The following SPIRE1 variants were observed in gnomAD, a reference collection of about 807,000 sequenced individuals.
SPIRE1 encodes the protein spire type actin nucleation factor 1.
A neutral mutation model predicts 94.1 loss-of-function variants in SPIRE1; 40 were observed. The ratio of observed to expected loss-of-function variants is 0.43; its 90% CI spans 0.33 to 0.55. SPIRE1 has a LOEUF of 0.55. Among genes scored for constraint, SPIRE1 ranks in the 20% least tolerant of loss-of-function variants. The pLI, the probability that SPIRE1 is intolerant of heterozygous loss-of-function variation, is 0.06. For synonymous variants in SPIRE1, 376 were observed against 371.7 expected (o/e 1.01, Z -0.13); for missense variants, 838 against 975.2 (o/e 0.86, Z 1.87).
intron 4 of SPIRE1, chr18:12,516,094 C>CTA: frequency 6.6e-6 from 1 of 152,282 alleles, no homozygotes; most frequent in South Asian, 2.1e-4. Flanking sequence ...GTAAAATCCA[C>CTA]TATGTCAAAG....
intron 10 of SPIRE1, among the ~76,000 whole-genome samples, chr18:12,478,484 TA>T (rs1161832253): frequency 1.4e-5 from 2 of 142,192 alleles, no homozygotes; most frequent in Non-Finnish European, 3.0e-5. Flanking sequence ...CATGTGTAGC[TA>T]GGGGAGGTGT....
At position 12,559,006 on chromosome 18, in the gene SPIRE1, C is replaced by G. The variant is rs1249544210; in HGVS notation, c.373-12102G>C. ...CCAAGACCCTACCCAACTCAGGAGC[C>G]CAGCTGGCTTCCCCTAGTGGATCCT... On this transcript the variant is annotated intron_variant, in intron 2 of 16. Transcript: ENST00000409402. The surrounding 1 kb of genome is among the most constrained non-coding windows in gnomAD (Gnocchi z 4.7). Among the ~76,000 whole-genome samples the G allele has an allele frequency of 6.6e-6, 1 of 152,212 alleles. No homozygotes were observed. The highest frequency in any genetic ancestry group is 2.1e-4 in the South Asian group (1 of 4,830).
At chr18:12,481,354 C>T (rs542591974) in intron 9 of SPIRE1, among the ~76,000 whole-genome samples, 3 of 145,858 alleles carry the variant, frequency 2.1e-5, no homozygotes, top group Admixed American at 7.1e-5. Context: ...ACCTTAAGTA[C>T]GAGAGGTAGA....
At chr18:12,626,042 G>GCCCC (rs35890423) in intron 2 of SPIRE1, among the ~76,000 whole-genome samples, 118 of 122,230 alleles carry the variant, frequency 9.7e-4, no homozygotes, top group Non-Finnish European at 1.5e-3. Flanking sequence ...ACACCGCCCC[G>GCCCC]CCCCCCCCCA....
At chr18:12,639,598 G>A (rs1276062400) in intron 1 of SPIRE1, among the ~76,000 whole-genome samples, 2 of 152,058 alleles carry the variant, frequency 1.3e-5, no homozygotes, top group African/African-American at 4.8e-5. Flanking sequence ...TGTGCATGGT[G>A]GCAGATGCCT....
At chr18:12,649,783 T>C (rs916798091) in intron 1 of SPIRE1, among the ~76,000 whole-genome samples, 2 of 152,224 alleles carry the variant, frequency 1.3e-5, no homozygotes, top group South Asian at 2.1e-4. Flanking sequence ...AGGACTAATA[T>C]CTGTAGATGA....
At chr18:12,463,622 T>TCTCC (rs2031966790) in intron 11 of SPIRE1, 129 bp from the exon 12 acceptor site, 1 of 755,932 alleles carries the variant, frequency 1.3e-6, no homozygotes, top group Non-Finnish European at 2.1e-6. Flanking sequence ...TTTAAGATGG[T>TCTCC]AATGGTAATC....
intron 1 of SPIRE1, among the ~76,000 whole-genome samples, chr18:12,637,782 G>A (rs2037974516): frequency 6.6e-6 from 1 of 152,220 alleles, no homozygotes; most frequent in South Asian, 2.1e-4. Flanking sequence ...TACAAGGTAA[G>A]TCAGGAACAT....
chr18:12,641,783 C>A (rs2038093028), intron 1 of SPIRE1, among the ~76,000 whole-genome samples: 1 of 150,080 alleles, frequency 6.7e-6, no homozygotes, highest in Admixed American at 6.6e-5. Context: ...TTTCCCCCAA[C>A]AAAATCATCT....
intron 1 of SPIRE1, among the ~76,000 whole-genome samples, chr18:12,638,692 A>G (rs370549740): frequency 5.9e-5 from 9 of 152,240 alleles, no homozygotes; most frequent in African/African-American, 2.2e-4. Context: ...CCTGGTGGGA[A>G]GTGATTAGAT....
At chr18:12,524,888 A>AG (rs2034459022) in intron 4 of SPIRE1, among the ~76,000 whole-genome samples, 1 of 152,042 alleles carries the variant, frequency 6.6e-6, no homozygotes, top group South Asian at 2.1e-4. Flanking sequence ...CTAAGGCAGG[A>AG]GGAACACTTG....
chr18:12,567,042 C>A (rs1034666704), intron 2 of SPIRE1, among the ~76,000 whole-genome samples: 1 of 152,040 alleles, frequency 6.6e-6, no homozygotes, highest in Non-Finnish European at 1.5e-5. Context: ...AAACTTAGTT[C>A]GCAGATGACA....
intron 6 of SPIRE1, among the ~76,000 whole-genome samples, chr18:12,503,927 T>C (rs1470561050): frequency 1.4e-5 from 2 of 147,310 alleles, no homozygotes; most frequent in South Asian, 4.2e-4. Context: ...AAAACTATTC[T>C]GTTATAAATA....
intron 3 of SPIRE1, among the ~76,000 whole-genome samples, chr18:12,536,847 G>C (rs2034858216): frequency 6.6e-6 from 1 of 152,144 alleles, no homozygotes; most frequent in African/African-American, 2.4e-5. Flanking sequence ...ACATTTTAAA[G>C]TACTTCATTT....
At chr18:12,634,031 G>A (rs768860291) in intron 2 of SPIRE1, among the ~76,000 whole-genome samples, 29 of 152,000 alleles carry the variant, frequency 1.9e-4, no homozygotes, top group Middle Eastern at 3.4e-3. Flanking sequence ...GGCGGATCAC[G>A]AGGTCAGGAG....
intron 2 of SPIRE1, among the ~76,000 whole-genome samples, chr18:12,554,512 C>A (rs1253863124): frequency 6.6e-6 from 1 of 152,040 alleles, no homozygotes; most frequent in African/African-American, 2.4e-5. Flanking sequence ...AGCTTCCCAG[C>A]AAAGAAAATC....
In SPIRE1 at chr18:12,446,717, C is replaced by G. The variant is rs193178507; in HGVS notation, c.*2921G>C. On this transcript the variant is annotated 3_prime_UTR_variant, in exon 17 of 17. Transcript: ENST00000409402. ...ATATACAAAATTTTCTGCTATTTTG[C>G]TTTAGCAAACAGCAATAAACTTTTG... 8.0e-4 allele frequency: 80 copies of G among 100,054 alleles called. 1 individual carries two copies. The highest frequency in any genetic ancestry group is 7.2e-3 in the Admixed American group (72 of 9,992). The allele number at this position is 100,054 out of a possible 1,614,324, so 6.2% of individuals were successfully genotyped here. A position where few individuals can be genotyped will look rare whatever the true frequency, so the allele number is the denominator to read the frequency against.
chr18:12,633,192 CCT>C (rs2037829694), intron 2 of SPIRE1, among the ~76,000 whole-genome samples: 1 of 152,098 alleles, frequency 6.6e-6, no homozygotes, highest in East Asian at 1.9e-4. Flanking sequence ...AAATCCCACC[CCT>C]TTGTGTCATG....
intron 2 of SPIRE1, among the ~76,000 whole-genome samples, chr18:12,549,450 T>G (rs1490191039): frequency 1.0e-5 from 1 of 95,852 alleles, no homozygotes; most frequent in Non-Finnish European, 2.4e-5. Flanking sequence ...TTTTTTTTTT[T>G]TTTTTTTTTT....
Sources: allele counts gnomAD v4.1 joint callset (sites outside exome capture counted in the v4.1 genomes callset), GRCh38; gene constraint gnomAD v4.1.1; non-coding constraint Gnocchi (gnomAD v3.1); transcripts MANE v1.5; gene names NCBI Gene and HGNC (gene_info 2026-07-23, HGNC 2026-07-21).